CTNND2: variants seen among roughly 807,000 people sequenced by gnomAD.
CTNND2 encodes catenin delta-2.
In CTNND2, 22 loss-of-function variants were observed where a neutral mutation model predicts 144.4. The ratio of observed to expected loss-of-function variants is 0.15; its 90% CI spans 0.11 to 0.22. CTNND2 has a LOEUF of 0.22. Ranked by LOEUF, CTNND2 falls within the 10% of genes least tolerant of loss-of-function variation. The pLI is 1.00. For missense variants in CTNND2, 1,353 were observed against 1,618.8 expected (o/e 0.84, Z 2.82); for synonymous variants, 751 against 695.6 (o/e 1.08, Z -1.25).
intron 1 of CTNND2, among the ~76,000 whole-genome samples, chr5:11,760,533 A>G (rs1308069650): frequency 6.6e-6 from 1 of 152,170 alleles, no homozygotes; most frequent in African/African-American, 2.4e-5. Flanking sequence ...GCCACTGAAA[A>G]ATGCCGTGGT....
intron 7 of CTNND2, among the ~76,000 whole-genome samples, chr5:11,369,774 T>TG (rs1393462783): frequency 1.3e-5 from 2 of 151,046 alleles, no homozygotes; most frequent in Non-Finnish European, 2.9e-5. Flanking sequence ...GTTGTGGTGT[T>TG]GGGATAGGGG....
intron 2 of CTNND2, among the ~76,000 whole-genome samples, chr5:11,634,458 T>C (rs1300378731): frequency 1.3e-5 from 2 of 152,132 alleles, no homozygotes; most frequent in African/African-American, 2.4e-5. Flanking sequence ...TCAATCTCAA[T>C]CCCGTGCACG....
chr5:11,587,536 T>A (rs1778954370), intron 2 of CTNND2, among the ~76,000 whole-genome samples: 1 of 151,982 alleles, frequency 6.6e-6, no homozygotes, highest in Non-Finnish European at 1.5e-5. Context: ...TCTGATAAAA[T>A]TAAATCATTT....
Position 11,579,960 on chromosome 5 carries a change from C to A in CTNND2, c.175-14904G>T, listed in dbSNP as rs188875516. 1.7e-3 allele frequency among the ~76,000 whole-genome samples: 256 copies of A among 152,280 alleles called. 2 individuals are homozygous for A. Among genetic ancestry groups the A allele is most frequent in the African/African-American group, 6.0e-3 (251 of 41,544 alleles). ...TTTTTTCCCAAACAATTTTCCCTTG[C>A]TGTTCAAGTGGGAAAAGCAATAGTC... On this transcript the variant is annotated intron_variant, in intron 2 of 21. Transcript: ENST00000304623.
chr5:11,190,632 T>C (rs1736142513), intron 11 of CTNND2, among the ~76,000 whole-genome samples: 1 of 152,232 alleles, frequency 6.6e-6, no homozygotes, highest in South Asian at 2.1e-4. Context: ...GAAGGTTCTA[T>C]AAACTATGGC....
chr5:11,474,171 CA>C (rs1353103997), intron 3 of CTNND2, among the ~76,000 whole-genome samples: 4 of 152,042 alleles, frequency 2.6e-5, no homozygotes, highest in Non-Finnish European at 5.9e-5. Context: ...GTGAGATTAG[CA>C]AAAAGAATAC....
intron 11 of CTNND2, among the ~76,000 whole-genome samples, chr5:11,199,013 T>C (rs918929556): frequency 6.6e-6 from 1 of 152,246 alleles, no homozygotes; most frequent in Middle Eastern, 3.2e-3. Context: ...TTAATAGACA[T>C]GAATATTTCA....
intron 2 of CTNND2, among the ~76,000 whole-genome samples, chr5:11,626,069 T>C (rs988159923): frequency 5.3e-5 from 8 of 152,096 alleles, no homozygotes; most frequent in African/African-American, 9.7e-5. Flanking sequence ...ATAGTAGGTG[T>C]CTCAGATGCC....
In CTNND2 at chr5:11,656,527, C is replaced by T. The variant is rs567715486; in HGVS notation, c.174+75609G>A. On this transcript the variant is annotated intron_variant, in intron 2 of 21. Transcript: ENST00000304623. ...TTTTCCAGATTCTCTCTGTCAGTCACGGCACAAGTTATTCCAAACACACAT... is the reference window on the plus strand; with the variant it reads ...TTTTCCAGATTCTCTCTGTCAGTCATGGCACAAGTTATTCCAAACACACAT... 7.2e-5 allele frequency among the ~76,000 whole-genome samples: 11 copies of T among 152,136 alleles called. No individual in the cohort carries two copies. The South Asian group carries it at 1.2e-3, about 17-fold the overall frequency.
chr5:11,386,848 T>C (rs1759134743), intron 6 of CTNND2, among the ~76,000 whole-genome samples: 1 of 152,136 alleles, frequency 6.6e-6, no homozygotes, highest in Admixed American at 6.5e-5. Flanking sequence ...GAGGGTCTTA[T>C]ATGTGGAGGA....
At chr5:11,491,380 T>G (rs1007513142) in intron 3 of CTNND2, among the ~76,000 whole-genome samples, 2 of 152,180 alleles carry the variant, frequency 1.3e-5, no homozygotes, top group African/African-American at 4.8e-5. Context: ...TTTTTTCCCA[T>G]GTGTTATCTC....
Position 11,311,393 on chromosome 5 carries a change from C to T in CTNND2, c.1628+34979G>A, listed in dbSNP as rs866648998. 2.0e-4 allele frequency among the ~76,000 whole-genome samples: 26 copies of T among 132,878 alleles called. 2 individuals are homozygous for T. Among genetic ancestry groups the T allele is most frequent in the African/African-American group, 7.0e-4 (24 of 34,312 alleles). 87.2% of individuals were successfully genotyped at this position (132,878 alleles called of 152,430 possible). ...TATACTCTAACATTCTCTCCATGCA[C>T]CCTCACCTCACATGCACATACACTC... On this transcript the variant is annotated intron_variant, in intron 9 of 21. Transcript: ENST00000304623.
chr5:11,589,282 AACACAC>A (rs34009518), intron 2 of CTNND2, among the ~76,000 whole-genome samples: 24 of 146,620 alleles, frequency 1.6e-4, no homozygotes, highest in African/African-American at 4.3e-4. Context: ...TTAACATTAA[AACACAC>A]ACACACACAC....
At chr5:11,622,641 G>A (rs183056179) in intron 2 of CTNND2, among the ~76,000 whole-genome samples, 14 of 152,194 alleles carry the variant, frequency 9.2e-5, no homozygotes. Flanking sequence ...GTGCTTATCA[G>A]AAAAACACGA....
intron 2 of CTNND2, among the ~76,000 whole-genome samples, chr5:11,711,720 G>A (rs1786045471): frequency 1.3e-5 from 2 of 152,170 alleles, no homozygotes. Context: ...CCTAGTTACT[G>A]TTAAAATGAA....
At chr5:11,049,514 T>C (rs1745615115) in intron 16 of CTNND2, among the ~76,000 whole-genome samples, 1 of 152,080 alleles carries the variant, frequency 6.6e-6, no homozygotes, top group African/African-American at 2.4e-5. Context: ...TTATGATAAC[T>C]CTCCAGTGCC....
intron 2 of CTNND2, among the ~76,000 whole-genome samples, chr5:11,571,187 T>A (rs2150115901): frequency 6.6e-6 from 1 of 152,292 alleles, no homozygotes. Context: ...TATTTTATGA[T>A]TTTTCTGTTT....
intron 1 of CTNND2, among the ~76,000 whole-genome samples, chr5:11,856,977 A>C (rs1795282148): frequency 6.6e-6 from 1 of 152,202 alleles, no homozygotes; most frequent in Admixed American, 6.5e-5. Context: ...AAATAGTTGA[A>C]ATTAGTGCAT....
intron 10 of CTNND2, among the ~76,000 whole-genome samples, chr5:11,224,670 G>C (rs1003650627): frequency 6.6e-6 from 1 of 152,200 alleles, no homozygotes; most frequent in Non-Finnish European, 1.5e-5. Flanking sequence ...CCTCACAGGA[G>C]AGCTTCATCT....
Sources: allele counts gnomAD v4.1 joint callset (sites outside exome capture counted in the v4.1 genomes callset), GRCh38; gene constraint gnomAD v4.1.1; transcripts MANE v1.5; gene names NCBI Gene and HGNC (gene_info 2026-07-23, HGNC 2026-07-21).